TSHZ1: variants seen among roughly 807,000 people sequenced by gnomAD.
TSHZ1 encodes the protein teashirt zinc finger homeobox 1.
In TSHZ1, 12 loss-of-function variants were observed where a neutral mutation model predicts 67.1. The ratio of observed to expected loss-of-function variants is 0.18; its 90% CI spans 0.11 to 0.29. The LOEUF is 0.29. Ranked by LOEUF, TSHZ1 falls within the 10% of genes least tolerant of loss-of-function variation. TSHZ1 has a pLI of 1.00. For synonymous variants in TSHZ1, 632 were observed against 622.4 expected, an observed-to-expected ratio of 1.02 and a Z score of -0.23; for missense variants, 1,305 against 1,413.9, an observed-to-expected ratio of 0.92 and a Z score of 1.23.
chr18:75,274,948 A>C (rs1440325426), intron 1 of TSHZ1, among the ~76,000 whole-genome samples: 2 of 152,238 alleles, frequency 1.3e-5, no homozygotes, highest in African/African-American at 4.8e-5. Context: ...GTATAGAGAC[A>C]ATTATGCAGG....
intron 1 of TSHZ1, chr18:75,245,436 A>G (rs1406835877): frequency 6.6e-6 from 1 of 152,176 alleles, no homozygotes; most frequent in Non-Finnish European, 1.5e-5. Context: ...TGTAATTGGT[A>G]TTTTAAATAT....
chr18:75,242,403 G>C (rs558044525), intron 1 of TSHZ1, among the ~76,000 whole-genome samples: 1 of 152,178 alleles, frequency 6.6e-6, no homozygotes, highest in Non-Finnish European at 1.5e-5. Flanking sequence ...ACTTTACCAG[G>C]TGGGGAGGGT....
At chr18:75,225,795 G>A (rs375387202) in intron 1 of TSHZ1, among the ~76,000 whole-genome samples, 2 of 152,106 alleles carry the variant, frequency 1.3e-5, no homozygotes, top group African/African-American at 4.8e-5. Context: ...ATACCTCAAA[G>A]CCATACATTT....
intron 1 of TSHZ1, among the ~76,000 whole-genome samples, chr18:75,215,845 G>A (rs188547366): frequency 8.7e-4 from 132 of 152,302 alleles, no homozygotes; most frequent in Non-Finnish European, 1.5e-3. Context: ...GGGAGGGGCC[G>A]TAGCATGTAT....
chr18:75,276,097 A>G (rs2023610976), intron 1 of TSHZ1, among the ~76,000 whole-genome samples: 1 of 152,214 alleles, frequency 6.6e-6, no homozygotes. Flanking sequence ...CTTATTGGGA[A>G]CAGCAAGAGG....
chr18:75,273,164 CT>C (rs2023578084), intron 1 of TSHZ1, among the ~76,000 whole-genome samples: 1 of 152,208 alleles, frequency 6.6e-6, no homozygotes, highest in South Asian at 2.1e-4. Flanking sequence ...TGCTTCAGCT[CT>C]TTAGCAAAGC....
At chr18:75,216,525 G>A (rs2022770212) in intron 1 of TSHZ1, among the ~76,000 whole-genome samples, 1 of 152,156 alleles carries the variant, frequency 6.6e-6, no homozygotes, top group East Asian at 1.9e-4. Flanking sequence ...TATACAGGCC[G>A]ATAACGAAAA....
At chr18:75,256,008 G>A (rs1476100759) in intron 1 of TSHZ1, among the ~76,000 whole-genome samples, 1 of 152,138 alleles carries the variant, frequency 6.6e-6, no homozygotes, top group East Asian at 1.9e-4. Flanking sequence ...TATTGGCCAA[G>A]GCAAGAATGA....
At chr18:75,242,416 C>T (rs576987436) in intron 1 of TSHZ1, among the ~76,000 whole-genome samples, 1 of 152,274 alleles carries the variant, frequency 6.6e-6, no homozygotes. Flanking sequence ...GGGAGGGTGG[C>T]ACAAAAGAAA....
In TSHZ1 at chr18:75,287,470, G is replaced by T. The variant is rs1167965736; in HGVS notation, c.2063G>T (p.Gly688Val). 1 of 1,614,200 alleles carries T rather than the reference G, an allele frequency of 6.2e-7. No homozygotes were observed. Among genetic ancestry groups the T allele is most frequent in the Non-Finnish European group, 8.5e-7 (1 of 1,180,030 alleles). The change falls in exon 2 of 2, where the codon GGC becomes GTC. Residue 688 changes from glycine (G) to valine (V), a missense_variant. By Grantham distance (109) the Gly-to-Val change is moderately radical (BLOSUM62 -3). This residue lies in a region of TSHZ1 where 909 missense variants were observed against 961.8 expected (regional missense o/e 0.95). Coordinates refer to ENST00000580243, the MANE Select transcript of TSHZ1 (RefSeq NM_001308210.2). The surrounding 1 kb of genome is among the most constrained non-coding windows in gnomAD (Gnocchi z 5.0). ...TTCCCGAAAACGGAGGAAGTCAGCG[G>T]CAAACCACAGAAGAAGGGCCCTGAG... ...KDFPKTEEVSGKPQKKGPEAE... is the reference protein window; with the variant it reads ...KDFPKTEEVSVKPQKKGPEAE...
intron 1 of TSHZ1, among the ~76,000 whole-genome samples, chr18:75,256,263 T>C (rs1423436301): frequency 3.9e-5 from 6 of 152,238 alleles, no homozygotes; most frequent in Admixed American, 2.6e-4. Context: ...CTAAAATAAT[T>C]GCAAAGCAGT....
intron 1 of TSHZ1, among the ~76,000 whole-genome samples, chr18:75,213,581 C>A (rs1402936726): frequency 6.6e-6 from 1 of 151,094 alleles, no homozygotes; most frequent in Non-Finnish European, 1.5e-5. Context: ...CAAGGACAAA[C>A]AAAATGCTGA....
intron 1 of TSHZ1, among the ~76,000 whole-genome samples, chr18:75,249,467 G>A (rs1198119433): frequency 1.4e-5 from 2 of 148,134 alleles, no homozygotes; most frequent in Non-Finnish European, 3.0e-5. Context: ...TGCAGTGGAT[G>A]GGGGTGGCTT....
rs1027681861 is a variant in TSHZ1 at position 75,288,955 on chromosome 18, A to G, written c.*314A>G. 4.4e-6 allele frequency: 1 copy of G among 228,362 alleles called. No individual in the cohort carries two copies. The highest frequency in any genetic ancestry group is 9.1e-6 in the Non-Finnish European group (1 of 109,682). The allele number at this position is 228,362 out of a possible 1,614,324, so 14.1% of individuals were successfully genotyped here. ...GCAGTAAAGAAAGACACAAATAACA[A>G]TGATAAAAAGACATCCTAAAATGGT... On this transcript the variant is annotated 3_prime_UTR_variant, in exon 2 of 2. Transcript: ENST00000580243. This position sits in a 1 kb window ranked among gnomAD's most constrained non-coding sequence, Gnocchi z 4.9.
Position 75,239,115 on chromosome 18 carries a change from G to A in TSHZ1, c.40+27199G>A, listed in dbSNP as rs567326855. On this transcript the variant is annotated intron_variant, in intron 1 of 1. Transcript: ENST00000580243. ...CCTGGCCAGGAAGAGCAAGAGTGCCGTAGTTCTGCCATTTTGGAAGCCCAC... is the reference window on the plus strand; with the variant it reads ...CCTGGCCAGGAAGAGCAAGAGTGCCATAGTTCTGCCATTTTGGAAGCCCAC... 1.6e-4 allele frequency among the ~76,000 whole-genome samples: 24 copies of A among 152,380 alleles called. No individual in the cohort carries two copies. The East Asian group carries it at 4.1e-3, about 26-fold the overall frequency.
chr18:75,278,628 G>A (rs1332742850), intron 1 of TSHZ1, among the ~76,000 whole-genome samples: 1 of 152,058 alleles, frequency 6.6e-6, no homozygotes, highest in Non-Finnish European at 1.5e-5. Context: ...TGAAAGACCG[G>A]GGGTGGAGGG....
intron 1 of TSHZ1, among the ~76,000 whole-genome samples, chr18:75,282,102 G>T (rs186046829): frequency 3.3e-5 from 5 of 152,256 alleles, no homozygotes; most frequent in Admixed American, 6.5e-5. Context: ...GGGCCTTCTC[G>T]TTCTGTGGAT....
At chr18:75,274,614 A>T (rs1243347860) in intron 1 of TSHZ1, among the ~76,000 whole-genome samples, 1 of 152,198 alleles carries the variant, frequency 6.6e-6, no homozygotes, top group Non-Finnish European at 1.5e-5. Context: ...AAAACAAAAG[A>T]TTTTTGGAAA....
chr18:75,245,823 G>A (rs2023214433), intron 1 of TSHZ1, among the ~76,000 whole-genome samples: 1 of 152,116 alleles, frequency 6.6e-6, no homozygotes, highest in African/African-American at 2.4e-5. Context: ...TAATCATGGT[G>A]CTTAACAAAA....
Sources: gnomAD v4.1 joint callset for allele counts (sites outside exome capture counted in the v4.1 genomes callset) on GRCh38, gnomAD v4.1.1 for gene constraint, gnomAD v4.1.1 regional missense constraint, Gnocchi (gnomAD v3.1) non-coding constraint, MANE v1.5 for transcripts, NCBI Gene and HGNC (gene_info 2026-07-23, HGNC 2026-07-21) for gene names.